STK33: variants seen among roughly 807,000 people sequenced by gnomAD.
STK33 encodes serine/threonine kinase 33.
A neutral mutation model predicts 58.0 loss-of-function variants in STK33; 52 were observed. The ratio of observed to expected loss-of-function variants is 0.90; its 90% CI spans 0.72 to 1.13. The LOEUF (loss-of-function observed/expected upper bound fraction) is 1.13, where lower values mean the gene tolerates loss of function less well. STK33 is among the 50% of genes most tolerant of loss of function. STK33 has a pLI of 0.00. For synonymous variants in STK33, 215 were observed against 200.1 expected (o/e 1.07, Z -0.63); for missense variants, 630 against 604.2 (o/e 1.04, Z -0.45).
chr11:8,552,252 C>T (rs2140612831), intron 1 of STK33, among the ~76,000 whole-genome samples: 1 of 152,316 alleles, frequency 6.6e-6, no homozygotes, highest in South Asian at 2.1e-4. Context: ...CCAGTCATGG[C>T]TTATCTCGAT....
At chr11:8,589,800 C>T (rs1159308748) in intron 1 of STK33, among the ~76,000 whole-genome samples, 2 of 152,000 alleles carry the variant, frequency 1.3e-5, no homozygotes, top group Non-Finnish European at 2.9e-5. Flanking sequence ...TTTATAATAA[C>T]AAATATGAAA....
At chr11:8,378,389 A>AGG in the STK33 span, among the ~76,000 whole-genome samples, 3 of 151,910 alleles carry the variant, frequency 2.0e-5, no homozygotes, top group African/African-American at 4.8e-5. Context: ...ATGGTGGTGC[A>AGG]TGCCTGTAAT....
At chr11:8,420,998 AG>A (rs755969162) in intron 14 of STK33, among the ~76,000 whole-genome samples, 5 of 147,904 alleles carry the variant, frequency 3.4e-5, no homozygotes, top group East Asian at 2.0e-4. Flanking sequence ...AAAAAAGGGG[AG>A]GGGGGGAATA....
Position 8,397,390 on chromosome 11 carries a change from C to A in STK33, c.1345-4680G>T, listed in dbSNP as rs558581683. Reference sequence around the variant, plus strand: ...CCTCCAGCAAACTCCAACAGACCTGCAGGTGAGGGTCCTGACTGTTAGAAT... The same window carrying A: ...CCTCCAGCAAACTCCAACAGACCTGAAGGTGAGGGTCCTGACTGTTAGAAT... On this transcript the variant is annotated intron_variant, in intron 15 of 15. Coordinates refer to ENST00000687296, the MANE Select transcript of STK33 (RefSeq NM_001352389.2). Among the ~76,000 whole-genome samples the A allele has an allele frequency of 2.0e-5, 3 of 152,350 alleles. No individual in the cohort carries two copies. In the East Asian group the frequency reaches 5.8e-4, roughly 29 times the overall value.
chr11:8,486,183 A>T (rs1950181131), intron 1 of STK33, among the ~76,000 whole-genome samples: 2 of 152,156 alleles, frequency 1.3e-5, no homozygotes, highest in Admixed American at 1.3e-4. Context: ...TGCAAATCTG[A>T]TCATATTTCT....
chr11:8,520,294 C>G (rs1404932091), intron 1 of STK33, among the ~76,000 whole-genome samples: 1 of 152,122 alleles, frequency 6.6e-6, no homozygotes, highest in East Asian at 1.9e-4. Context: ...AATTCAGCAG[C>G]CCTTCATGCT....
chr11:8,371,353 G>A, the STK33 span, among the ~76,000 whole-genome samples: 18 of 152,230 alleles, frequency 1.2e-4, no homozygotes, highest in South Asian at 2.7e-3. Flanking sequence ...ATGCTGCCAC[G>A]AGCCGAGGAA....
chr11:8,572,279 T>C (rs1957881423), intron 1 of STK33, among the ~76,000 whole-genome samples: 1 of 151,968 alleles, frequency 6.6e-6, no homozygotes, highest in South Asian at 2.1e-4. Context: ...CAGAGATAAA[T>C]TATCCCTAGA....
At chr11:8,413,420 A>G in intron 15 of STK33, 75 bp downstream of exon 15, 1 of 1,503,974 alleles carries the variant, frequency 6.6e-7, no homozygotes, top group Non-Finnish European at 9.0e-7. Context: ...AAAAAGACAG[A>G]TTTGCAAAAA....
intron 15 of STK33, among the ~76,000 whole-genome samples, chr11:8,394,924 C>G (rs564455174): frequency 6.6e-6 from 1 of 152,198 alleles, no homozygotes; most frequent in East Asian, 1.9e-4. Flanking sequence ...ATTAAATATT[C>G]ACAATGTTCA....
chr11:8,518,415 A>T (rs202061899), intron 1 of STK33, among the ~76,000 whole-genome samples: 25,743 of 152,024 alleles, frequency 0.17, 2,602 homozygotes, highest in South Asian at 0.31. Flanking sequence ...CCATCAATGC[A>T]GGGAAGAAAC....
intron 1 of STK33, among the ~76,000 whole-genome samples, chr11:8,490,734 A>C (rs12576736): frequency 0.55 from 83,637 of 151,986 alleles, 23,405 homozygotes; most frequent in African/African-American, 0.65. Flanking sequence ...GATCAGGCAG[A>C]AATATTTGCT....
At position 8,392,676 on chromosome 11, in the gene STK33, C is replaced by T. The variant is rs769468594; in HGVS notation, c.1379G>A (p.Ser460Asn). 1 of 1,614,204 alleles carries T rather than the reference C, an allele frequency of 6.2e-7. No individual in the cohort carries two copies. Among genetic ancestry groups the T allele is most frequent in the Non-Finnish European group, 8.5e-7 (1 of 1,180,040 alleles). Residue 460 changes from serine (S) to asparagine (N), a missense_variant, in exon 16 of 16, where the codon AGT becomes AAT. Physicochemically the swap from Ser to Asn is conservative, Grantham distance 46. Transcript: ENST00000687296. ...TAYEKQFPAT[S>N]KDNFDMCSSS... ...ACTGCACATATCAAAGTTGTCCTTA[C>T]TGGTTGCAGGAAATTGCTTTTCATA...
At chr11:8,353,500 T>C in the STK33 span, among the ~76,000 whole-genome samples, 11 of 152,218 alleles carry the variant, frequency 7.2e-5, no homozygotes, top group Non-Finnish European at 1.2e-4. Flanking sequence ...TGATACCTAC[T>C]AGAGCAGCTG....
chr11:8,404,306 C>T (rs1938687751), intron 15 of STK33, among the ~76,000 whole-genome samples: 1 of 152,078 alleles, frequency 6.6e-6, no homozygotes, highest in Non-Finnish European at 1.5e-5. Context: ...AATCTATATA[C>T]AGAATACACA....
At chr11:8,416,013 T>C (rs1941067054) in intron 14 of STK33, among the ~76,000 whole-genome samples, 1 of 152,198 alleles carries the variant, frequency 6.6e-6, no homozygotes, top group Non-Finnish European at 1.5e-5. Flanking sequence ...ACCAATTTTG[T>C]CACTTCTCTC....
chr11:8,566,893 G>A (rs536659933), intron 1 of STK33, among the ~76,000 whole-genome samples: 186 of 152,256 alleles, frequency 1.2e-3, no homozygotes, highest in African/African-American at 4.2e-3. Context: ...TTAAGGCTGG[G>A]CGTGGCGGCT....
chr11:8,487,999 AG>A (rs1030301868), intron 1 of STK33, among the ~76,000 whole-genome samples: 1 of 152,230 alleles, frequency 6.6e-6, no homozygotes, highest in Non-Finnish European at 1.5e-5. Flanking sequence ...AATCGTGAAA[AG>A]TAATAACCCA....
At chr11:8,350,042 T>C in the STK33 span, among the ~76,000 whole-genome samples, 2 of 152,286 alleles carry the variant, frequency 1.3e-5, no homozygotes, top group Non-Finnish European at 2.9e-5. Context: ...TTGCACTTCA[T>C]ATGCCTCATC....
Sources: gnomAD v4.1 joint callset for allele counts (sites outside exome capture counted in the v4.1 genomes callset) on GRCh38, gnomAD v4.1.1 for gene constraint, MANE v1.5 for transcripts, NCBI Gene and HGNC (gene_info 2026-07-23, HGNC 2026-07-21) for gene names.